The following HECW2 variants were observed in gnomAD, a reference collection of about 807,000 sequenced individuals.
HECW2 encodes HECT, C2 and WW domain containing E3 ubiquitin protein ligase 2.
A neutral mutation model predicts 175.2 loss-of-function variants in HECW2; 61 were observed. The ratio of observed to expected loss-of-function variants is 0.35; its 90% CI spans 0.28 to 0.43. The LOEUF (loss-of-function observed/expected upper bound fraction) is 0.43, where lower values mean the gene tolerates loss of function less well. Ranked by LOEUF, HECW2 falls within the 20% of genes least tolerant of loss-of-function variation. The pLI, the probability that HECW2 is intolerant of heterozygous loss-of-function variation, is 1.00. For missense variants in HECW2, 1,524 were observed against 2,000.5 expected (o/e 0.76, Z 4.54); for synonymous variants, 671 against 731.0 (o/e 0.92, Z 1.32).
intron 26 of HECW2, among the ~76,000 whole-genome samples, chr2:196,218,676 G>A (rs1347375909): frequency 6.6e-6 from 1 of 151,918 alleles, no homozygotes; most frequent in African/African-American, 2.4e-5. Flanking sequence ...AGCCAGGTAT[G>A]GTGGCATACA....
At chr2:196,503,724 C>T (rs1687652626) in intron 1 of HECW2, among the ~76,000 whole-genome samples, 1 of 152,174 alleles carries the variant, frequency 6.6e-6, no homozygotes, top group Non-Finnish European at 1.5e-5. Context: ...TGGAAAGCAA[C>T]TGATGTTTAT....
At chr2:196,226,825 T>C (rs1687868747) in intron 22 of HECW2, among the ~76,000 whole-genome samples, 1 of 152,176 alleles carries the variant, frequency 6.6e-6, no homozygotes, top group Non-Finnish European at 1.5e-5. Context: ...CACATGGACA[T>C]TTGGGGGAGT....
chr2:196,482,051 A>G (rs1686859964), intron 1 of HECW2, among the ~76,000 whole-genome samples: 1 of 152,244 alleles, frequency 6.6e-6, no homozygotes, highest in Non-Finnish European at 1.5e-5. Flanking sequence ...CTTGCTGAAA[A>G]AAATAGGATG....
At chr2:196,370,230 A>G (rs1024375135) in intron 2 of HECW2, among the ~76,000 whole-genome samples, 1 of 152,072 alleles carries the variant, frequency 6.6e-6, no homozygotes, top group Non-Finnish European at 1.5e-5. Context: ...CTCTTTAGTC[A>G]GCAGGTGATG....
At chr2:196,355,669 A>G (rs1168115228) in intron 2 of HECW2, among the ~76,000 whole-genome samples, 1 of 152,162 alleles carries the variant, frequency 6.6e-6, no homozygotes, top group Non-Finnish European at 1.5e-5. Context: ...CATTCAACAA[A>G]TATTTATTGA....
chr2:196,374,277 G>A (rs1429883022), intron 2 of HECW2, among the ~76,000 whole-genome samples: 1 of 152,028 alleles, frequency 6.6e-6, no homozygotes, highest in African/African-American at 2.4e-5. Context: ...AAAACATACT[G>A]CAAAATTATA....
intron 1 of HECW2, among the ~76,000 whole-genome samples, chr2:196,504,154 G>A (rs779755889): frequency 1.3e-5 from 2 of 152,092 alleles, no homozygotes; most frequent in Non-Finnish European, 2.9e-5. Context: ...AAATTAGCCA[G>A]GCGTGGTGGC....
At chr2:196,456,510 A>G (rs1415060670) in intron 1 of HECW2, among the ~76,000 whole-genome samples, 1 of 152,174 alleles carries the variant, frequency 6.6e-6, no homozygotes, top group Non-Finnish European at 1.5e-5. Flanking sequence ...GACTGACCAT[A>G]TGTCTTCTGG....
At chr2:196,379,331 C>G (rs1021540489) in intron 2 of HECW2, among the ~76,000 whole-genome samples, 1 of 152,124 alleles carries the variant, frequency 6.6e-6, no homozygotes, top group African/African-American at 2.4e-5. Flanking sequence ...ATGTCCTGAT[C>G]TGGGTGGCAG....
intron 1 of HECW2, among the ~76,000 whole-genome samples, chr2:196,467,909 T>A (rs16851952): frequency 6.6e-6 from 1 of 152,198 alleles, no homozygotes; most frequent in Non-Finnish European, 1.5e-5. Flanking sequence ...CCTTATAGAA[T>A]ATAGCAACAG....
intron 1 of HECW2, among the ~76,000 whole-genome samples, chr2:196,492,571 C>G (rs1687238896): frequency 1.3e-5 from 2 of 152,138 alleles, no homozygotes; most frequent in South Asian, 2.1e-4. Context: ...AGTCAGAGGA[C>G]AAAGGATTGT....
At chr2:196,277,111 G>A (rs1409515191) in intron 15 of HECW2, among the ~76,000 whole-genome samples, 1 of 152,174 alleles carries the variant, frequency 6.6e-6, no homozygotes, top group East Asian at 1.9e-4. Context: ...CCATATGAAG[G>A]AGAAGAAAAC....
intron 21 of HECW2, among the ~76,000 whole-genome samples, chr2:196,238,224 G>A (rs923961856): frequency 3.3e-5 from 5 of 152,094 alleles, no homozygotes; most frequent in African/African-American, 1.2e-4. Context: ...GTTAGACTCT[G>A]TCTCAAAAAA....
intron 1 of HECW2, among the ~76,000 whole-genome samples, chr2:196,523,862 G>A (rs1575634324): frequency 6.6e-6 from 1 of 152,192 alleles, no homozygotes; most frequent in Non-Finnish European, 1.5e-5. Flanking sequence ...TTGATGTGCT[G>A]CTGGATTCGT....
At chr2:196,379,285 G>A (rs894321434) in intron 2 of HECW2, among the ~76,000 whole-genome samples, 5 of 152,188 alleles carry the variant, frequency 3.3e-5, no homozygotes, top group Admixed American at 2.6e-4. Flanking sequence ...GTGATTGGGA[G>A]TATGAGAAGG....
intron 2 of HECW2, among the ~76,000 whole-genome samples, chr2:196,365,740 C>T (rs1042449166): frequency 6.6e-6 from 1 of 152,128 alleles, no homozygotes; most frequent in Non-Finnish European, 1.5e-5. Flanking sequence ...AGAAAGTAGG[C>T]CGTTAAACTC....
At chr2:196,578,423 AG>A (rs1454271431) in intron 1 of HECW2, among the ~76,000 whole-genome samples, 5 of 152,192 alleles carry the variant, frequency 3.3e-5, no homozygotes, top group Admixed American at 6.5e-5. Flanking sequence ...CCAGGAAAAG[AG>A]GAAAGAAATT....
intron 27 of HECW2, among the ~76,000 whole-genome samples, chr2:196,216,695 G>A (rs546685094): frequency 6.6e-6 from 1 of 152,286 alleles, no homozygotes; most frequent in South Asian, 2.1e-4. Flanking sequence ...ATGCCGGCCT[G>A]CACTTTGGGT....
chr2:196,400,283 A>G (rs1482405528), intron 2 of HECW2, among the ~76,000 whole-genome samples: 1 of 152,222 alleles, frequency 6.6e-6, no homozygotes, highest in Admixed American at 6.5e-5. Context: ...AAGAAATTGC[A>G]TCACTCCTGT....
Sources: gnomAD v4.1 joint callset for allele counts (sites outside exome capture counted in the v4.1 genomes callset) on GRCh38, gnomAD v4.1.1 for gene constraint, MANE v1.5 for transcripts, NCBI Gene and HGNC (gene_info 2026-07-23, HGNC 2026-07-21) for gene names.